LTBP2: variants seen among roughly 807,000 people sequenced by gnomAD.
The protein encoded by LTBP2 is latent-transforming growth factor beta-binding protein 2.
In LTBP2, 103 loss-of-function variants were observed where a neutral mutation model predicts 210.6. That is an observed-to-expected ratio of 0.49 (90% CI 0.42 to 0.58). The LOEUF (loss-of-function observed/expected upper bound fraction) is 0.58. Ranked by LOEUF, LTBP2 falls within the 20% of genes least tolerant of loss-of-function variation. The probability of loss-of-function intolerance (pLI) is 0.00; values close to 1 mark genes in which losing one functional copy is unlikely to be tolerated. For synonymous variants in LTBP2, 1,007 were observed against 1,015.0 expected (o/e 0.99, Z 0.15); for missense variants, 2,313 against 2,494.5 (o/e 0.93, Z 1.55).
At chr14:74,609,092 C>T (rs1456500760) in intron 1 of LTBP2, among the ~76,000 whole-genome samples, 1 of 152,202 alleles carries the variant, frequency 6.6e-6, no homozygotes, top group Non-Finnish European at 1.5e-5. Flanking sequence ...CTGTCTGCAG[C>T]TCACAAGGCA....
intron 8 of LTBP2, among the ~76,000 whole-genome samples, chr14:74,546,585 G>A (rs76637487): frequency 0.045 from 6,870 of 152,274 alleles, 379 homozygotes; most frequent in East Asian, 0.15. Flanking sequence ...GGTGCCCAGC[G>A]CGCTGAGATG....
chr14:74,610,284 G>T (rs2088586854), intron 1 of LTBP2, among the ~76,000 whole-genome samples: 1 of 152,212 alleles, frequency 6.6e-6, no homozygotes, highest in African/African-American at 2.4e-5. Flanking sequence ...GATGGGGCAC[G>T]GGTGGCCAAA....
chr14:74,582,156 G>A (rs1405725165), intron 3 of LTBP2, among the ~76,000 whole-genome samples: 1 of 151,682 alleles, frequency 6.6e-6, no homozygotes, highest in African/African-American at 2.4e-5. Flanking sequence ...ATGTCTCCAG[G>A]GCTCAGCCTC....
chr14:74,574,825 T>G (rs2088034384), intron 3 of LTBP2, among the ~76,000 whole-genome samples: 1 of 152,222 alleles, frequency 6.6e-6, no homozygotes, highest in East Asian at 1.9e-4. Context: ...GAGATCTTCT[T>G]GGGCCAGATG....
In LTBP2 at chr14:74,503,936, C is replaced by T. The variant is rs2086949208; in HGVS notation, c.4572G>A (p.Lys1524=). 1 of 1,614,120 alleles carries T rather than the reference C, an allele frequency of 6.2e-7. No individual in the cohort carries two copies. The highest frequency in any genetic ancestry group is 8.5e-7 in the Non-Finnish European group (1 of 1,180,026). Residue 1524 remains lysine, a synonymous_variant, in exon 31 of 36, where the codon AAG becomes AAA. Transcript: ENST00000261978. The stretch of plus-strand genomic sequence containing the variant: ...CATGTGTGTCCTTACCCTCACACTT[C>T]TTGTGGGAAGCATCGTAGTGGAAGC... The part of the protein sequence containing the change: ...NPGFHYDASH[K]KCEDHDECQD...
At chr14:74,511,406 T>C (rs373132459) in intron 18 of LTBP2, 42 bp from the exon 19 acceptor site, 2 of 1,612,742 alleles carry the variant, frequency 1.2e-6, no homozygotes, top group African/African-American at 2.7e-5. Context: ...CCTGGGAACA[T>C]AGCAAATGGG....
At chr14:74,550,855 A>G (rs1487343655) in intron 7 of LTBP2, among the ~76,000 whole-genome samples, 1 of 152,224 alleles carries the variant, frequency 6.6e-6, no homozygotes, top group African/African-American at 2.4e-5. Context: ...CCTGGTATTG[A>G]CAAGCACCAA....
chr14:74,506,017 C>T (rs761807272), intron 28 of LTBP2, 31 bp downstream of exon 28: 1 of 1,613,732 alleles, frequency 6.2e-7, no homozygotes, highest in Admixed American at 1.7e-5. Flanking sequence ...ACCTCTGAGT[C>T]ACCATGGATA....
intron 3 of LTBP2, among the ~76,000 whole-genome samples, chr14:74,571,947 TAGGAGAAATA>T (rs2087984512): frequency 6.9e-6 from 1 of 144,560 alleles, no homozygotes; most frequent in South Asian, 2.1e-4. Flanking sequence ...AATATTTTTG[TAGGAGAAATA>T]AGGAGAAAAA....
In LTBP2 at chr14:74,502,837, A is replaced by T; in HGVS notation, c.4986T>A (p.Asp1662Glu). ...GGCCATAGATGCTGTAGTGCAGGTC[A>T]TCGGGCCCGGGGCCATACTCATAGC... ...RPGYEYGPGPDDLHYSIYGPD... is the reference protein window; with the variant it reads ...RPGYEYGPGPEDLHYSIYGPD... Residue 1662 changes from aspartate to glutamate, a missense_variant, in exon 34 of 36, where the codon GAT becomes GAA. Asp to Glu is a conservative substitution (Grantham distance 45). Transcript: ENST00000261978. 2.5e-6 allele frequency: 4 copies of T among 1,614,136 alleles called. No homozygotes were observed. Among genetic ancestry groups the T allele is most frequent in the Non-Finnish European group, 3.4e-6 (4 of 1,180,020 alleles).
chr14:74,551,471 C>T (rs1273633596), intron 6 of LTBP2, 121 bp from the exon 7 acceptor site: 2 of 969,842 alleles, frequency 2.1e-6, no homozygotes, highest in Non-Finnish European at 3.0e-6. Context: ...CACCCCAAAA[C>T]TCTCCTTCCA....
chr14:74,532,631 C>T (rs1449756105), intron 9 of LTBP2, 83 bp from the exon 10 acceptor site: 2 of 1,497,394 alleles, frequency 1.3e-6, no homozygotes, highest in African/African-American at 2.8e-5. Context: ...TCTTCAAATA[C>T]TCTCTCCAGA....
In LTBP2 at chr14:74,520,801, A is replaced by AAATG. The variant is rs36111387; in HGVS notation, c.2788+1106_2788+1109dup. ...GGGTGACAGAGCGAGACTCCATCAT[A>AAATG]AATGAATGAATGAATGAATGAATGA... On this transcript the variant is annotated intron_variant, in intron 17 of 35. Coordinates refer to ENST00000261978, the MANE Select transcript of LTBP2 (RefSeq NM_000428.3). Among the ~76,000 whole-genome samples, 878 of 150,052 alleles carry AAATG rather than the reference A, an allele frequency of 5.9e-3. 5 individuals are homozygous for AAATG. The highest frequency in any genetic ancestry group is 8.1e-3 in the Non-Finnish European group (549 of 67,556).
chr14:74,511,388 TGGTCATCCCTG>T (rs1427336480), intron 18 of LTBP2, 24 bp from the exon 19 acceptor site: 2 of 1,613,484 alleles, frequency 1.2e-6, no homozygotes, highest in Non-Finnish European at 1.7e-6. Context: ...GCCCCTCCCT[TGGTCATCCCTG>T]GGAACATAGC....
intron 2 of LTBP2, among the ~76,000 whole-genome samples, chr14:74,596,999 C>T (rs2088375020): frequency 6.6e-6 from 1 of 152,084 alleles, no homozygotes; most frequent in East Asian, 1.9e-4. Flanking sequence ...GTCATTGGCC[C>T]GGAGATGATG....
intron 8 of LTBP2, among the ~76,000 whole-genome samples, chr14:74,537,908 C>T (rs891092339): frequency 2.0e-5 from 3 of 152,132 alleles, no homozygotes; most frequent in African/African-American, 7.2e-5. Context: ...GCATGTGCCA[C>T]CAGGGCTGGC....
At chr14:74,591,637 T>C (rs965998364) in intron 2 of LTBP2, among the ~76,000 whole-genome samples, 5 of 152,204 alleles carry the variant, frequency 3.3e-5, no homozygotes, top group African/African-American at 1.2e-4. Context: ...TCACGGAAAT[T>C]AAGCATTGTG....
rs147223742 is a variant in LTBP2 at position 74,502,845 on chromosome 14, C to A, written c.4978G>T (p.Gly1660Trp). 341 of 1,614,056 alleles carry A rather than the reference C, an allele frequency of 2.1e-4. 2 individuals carry two copies. The South Asian group carries it at 3.4e-3, about 16-fold the overall frequency. ...ATGCTGTAGTGCAGGTCATCGGGCC[C>A]GGGGCCATACTCATAGCCTGGCCGG... The part of the protein sequence containing the change: ...HFRPGYEYGP[G>W]PDDLHYSIYG... Residue 1660 changes from glycine to tryptophan, a missense_variant, in exon 34 of 36, where the codon GGG becomes TGG. Around this residue, in one of 3 missense-constraint regions of LTBP2, gnomAD observed 443 missense variants for 501.4 expected, o/e 0.88. Transcript: ENST00000261978.
chr14:74,604,612 C>A (rs1178721777), intron 1 of LTBP2, among the ~76,000 whole-genome samples: 1 of 148,546 alleles, frequency 6.7e-6, no homozygotes, highest in Non-Finnish European at 1.5e-5. Context: ...ATGTCGTGAT[C>A]TCGGCTCATG....
Sources: gnomAD v4.1 joint callset for allele counts (sites outside exome capture counted in the v4.1 genomes callset) on GRCh38, gnomAD v4.1.1 for gene constraint, gnomAD v4.1.1 regional missense constraint, MANE v1.5 for transcripts, NCBI Gene and HGNC (gene_info 2026-07-23, HGNC 2026-07-21) for gene names.